CDC123: variants seen among roughly 807,000 people sequenced by gnomAD.
CDC123 encodes the protein translation initiation factor eIF2 assembly protein.
CDC123 carries 37 observed loss-of-function variants against 54.4 expected under a neutral mutation model. The observed-to-expected ratio is 0.68, with a 90% confidence interval of 0.52 to 0.89. CDC123 has a LOEUF of 0.89. Among genes scored for constraint, CDC123 ranks in the 40% least tolerant of loss-of-function variants. CDC123 has a pLI of 0.00. For missense variants in CDC123, 361 were observed against 412.1 expected (o/e 0.88, Z 1.07); for synonymous variants, 144 against 136.8 (o/e 1.05, Z -0.37).
chr10:12,217,194 T>C (rs1588674059), intron 5 of CDC123, among the ~76,000 whole-genome samples, 167 bp from the exon 6 acceptor site: 1 of 152,244 alleles, frequency 6.6e-6, no homozygotes, highest in African/African-American at 2.4e-5. Flanking sequence ...GTGGTGACGC[T>C]TTTTGTTGTT....
At position 12,235,077 on chromosome 10, in the gene CDC123, T is replaced by A; in HGVS notation, c.519T>A (p.Ile173=). Residue 173 remains isoleucine, a synonymous_variant, in exon 8 of 13, where the codon ATT becomes ATA. Transcript: ENST00000281141. The part of the protein sequence containing the change: ...ELVLRKWCEL[I]PGAEFRCFVK... ...TTCTCCGAAAATGGTGTGAATTGAT[T>A]CCTGGGGCTGAGTTTCGATGTTTTG... 1 of 1,614,094 alleles carries A rather than the reference T, an allele frequency of 6.2e-7. No homozygotes were observed. Among genetic ancestry groups the A allele is most frequent in the Non-Finnish European group, 8.5e-7 (1 of 1,179,946 alleles).
At chr10:12,226,144 C>T (rs1397044894) in intron 6 of CDC123, among the ~76,000 whole-genome samples, 3 of 152,174 alleles carry the variant, frequency 2.0e-5, no homozygotes, top group Admixed American at 6.5e-5. Context: ...AAAATGGAGT[C>T]TCCCATGTCT....
Position 12,208,154 on chromosome 10 carries a change from C to T in CDC123, c.147-1813C>T, listed in dbSNP as rs150527029. ...CACAGAGATAAAAGCACATGTTTAA[C>T]CAGAATCTTCCTTTTCCTTTTCTTT... On this transcript the variant is annotated intron_variant, in intron 2 of 12. Transcript: ENST00000281141. Among the ~76,000 whole-genome samples, 294 of 152,280 alleles carry T rather than the reference C, an allele frequency of 1.9e-3. 1 individual carries two copies. Among genetic ancestry groups the T allele is most frequent in the African/African-American group, 6.7e-3 (280 of 41,556 alleles).
chr10:12,200,677 A>G (rs1835428096), intron 2 of CDC123, among the ~76,000 whole-genome samples: 1 of 152,052 alleles, frequency 6.6e-6, no homozygotes, highest in African/African-American at 2.4e-5. Flanking sequence ...TCATGCCTGT[A>G]ATCCCAGCAC....
intron 6 of CDC123, among the ~76,000 whole-genome samples, chr10:12,219,182 G>A (rs919710554): frequency 6.6e-6 from 1 of 152,218 alleles, no homozygotes; most frequent in Non-Finnish European, 1.5e-5. Flanking sequence ...TGGCGTGTGA[G>A]CTCTGCAGCT....
chr10:12,219,194 G>A (rs1273743515), intron 6 of CDC123, among the ~76,000 whole-genome samples: 1 of 152,168 alleles, frequency 6.6e-6, no homozygotes, highest in Non-Finnish European at 1.5e-5. Context: ...TCTGCAGCTT[G>A]GACATAAGGT....
intron 6 of CDC123, among the ~76,000 whole-genome samples, 154 bp downstream of exon 6, chr10:12,217,621 T>G (rs1835679933): frequency 6.6e-6 from 1 of 152,224 alleles, no homozygotes; most frequent in Non-Finnish European, 1.5e-5. Flanking sequence ...AAGCAAATCT[T>G]TCTTTTCCCT....
chr10:12,210,449 TG>T (rs1835582541), intron 4 of CDC123, 127 bp downstream of exon 4: 1 of 1,145,800 alleles, frequency 8.7e-7, no homozygotes, highest in Non-Finnish European at 1.2e-6. Context: ...ATTTTCCCTG[TG>T]GGCTGTCGTT....
intron 2 of CDC123, among the ~76,000 whole-genome samples, chr10:12,208,716 G>C (rs1835553545): frequency 6.6e-6 from 1 of 152,146 alleles, no homozygotes; most frequent in African/African-American, 2.4e-5. Context: ...TGCGCAGGAG[G>C]GCTGTGTGTC....
intron 6 of CDC123, among the ~76,000 whole-genome samples, chr10:12,220,202 A>G (rs1055354028): frequency 2.0e-5 from 3 of 152,174 alleles, no homozygotes; most frequent in Non-Finnish European, 4.4e-5. Context: ...CCTTTCCAGA[A>G]CTAACTATAA....
At chr10:12,237,077 A>C in intron 8 of CDC123, 67 bp from the exon 9 acceptor site, 1 of 1,434,248 alleles carries the variant, frequency 7.0e-7, no homozygotes. Flanking sequence ...AAAATGTTTA[A>C]ATCACGTATT....
chr10:12,223,428 G>T (rs1177862816), intron 6 of CDC123, among the ~76,000 whole-genome samples: 2 of 152,194 alleles, frequency 1.3e-5, no homozygotes, highest in Middle Eastern at 3.4e-3. Flanking sequence ...TGGGACTGTA[G>T]GCGCACGCCA....
At chr10:12,231,373 A>G (rs1188297156) in intron 7 of CDC123, among the ~76,000 whole-genome samples, 1 of 152,216 alleles carries the variant, frequency 6.6e-6, no homozygotes, top group Non-Finnish European at 1.5e-5. Context: ...CTGTAATCCC[A>G]GCACTTTGAG....
intron 9 of CDC123, among the ~76,000 whole-genome samples, chr10:12,238,184 C>T (rs530026689): frequency 3.5e-4 from 53 of 152,228 alleles, no homozygotes; most frequent in African/African-American, 1.1e-3. Context: ...CAGTCTATAA[C>T]GGGGAACTGG....
intron 4 of CDC123, among the ~76,000 whole-genome samples, chr10:12,211,175 T>A (rs1005376653): frequency 2.0e-5 from 3 of 152,204 alleles, no homozygotes; most frequent in African/African-American, 7.2e-5. Flanking sequence ...AATGAAGGTA[T>A]TTTTAAAGGA....
intron 2 of CDC123, among the ~76,000 whole-genome samples, chr10:12,205,401 G>A (rs139602472): frequency 3.3e-5 from 5 of 152,240 alleles, no homozygotes; most frequent in Admixed American, 2.6e-4. Context: ...GTTTAGACTT[G>A]GGTCCCATCC....
chr10:12,227,158 A>G (rs1835832964), intron 6 of CDC123, among the ~76,000 whole-genome samples: 1 of 152,102 alleles, frequency 6.6e-6, no homozygotes, highest in Admixed American at 6.6e-5. Flanking sequence ...CGGCAGGCTG[A>G]AGCAGGAGAA....
chr10:12,210,059 T>C, intron 3 of CDC123, 35 bp downstream of exon 3: 1 of 1,600,946 alleles, frequency 6.2e-7, no homozygotes, highest in Non-Finnish European at 8.6e-7. Context: ...TTCTGTAGAC[T>C]GTTGTAATTT....
In CDC123 at chr10:12,246,230, G is replaced by C; in HGVS notation, c.799G>C (p.Glu267Gln). The C allele has an allele frequency of 1.9e-6, 3 of 1,614,168 alleles. No homozygotes were observed. The highest frequency in any genetic ancestry group is 2.5e-6 in the Non-Finnish European group (3 of 1,180,022). ...GTTCACCTGGGAAGAACTGATATCTGAGAACAACTTAAACGGCGATTTTAG... is the reference window on the plus strand; with the variant it reads ...GTTCACCTGGGAAGAACTGATATCTCAGAACAACTTAAACGGCGATTTTAG... Reference protein sequence around the residue: ...LLFTWEELISENNLNGDFSEV... With the variant: ...LLFTWEELISQNNLNGDFSEV... The change falls in exon 11 of 13, where the codon GAG becomes CAG. Residue 267 changes from glutamate to glutamine, a missense_variant. Physicochemically the swap from Glu to Gln is conservative, Grantham distance 29. Coordinates refer to ENST00000281141, the MANE Select transcript of CDC123 (RefSeq NM_006023.3).
Sources: gnomAD v4.1 joint callset for allele counts (sites outside exome capture counted in the v4.1 genomes callset) on GRCh38, gnomAD v4.1.1 for gene constraint, MANE v1.5 for transcripts, NCBI Gene and HGNC (gene_info 2026-07-23, HGNC 2026-07-21) for gene names.